Variants in NT5C2 observed in about 807,000 individuals in gnomAD.
NT5C2 encodes the protein cytosolic purine 5'-nucleotidase.
In NT5C2, 58 loss-of-function variants were observed where a neutral mutation model predicts 76.1. The ratio of observed to expected loss-of-function variants is 0.76; its 90% CI spans 0.62 to 0.95. NT5C2 has a LOEUF of 0.95. Among genes scored for constraint, NT5C2 ranks in the 40% least tolerant of loss-of-function variants. The probability of loss-of-function intolerance (pLI) is 0.00; values close to 1 mark genes in which losing one functional copy is unlikely to be tolerated. For synonymous variants in NT5C2, 229 were observed against 237.4 expected, an observed-to-expected ratio of 0.96 and a Z score of 0.32; for missense variants, 478 against 690.3, an observed-to-expected ratio of 0.69 and a Z score of 3.45.
Position 103,101,120 on chromosome 10 carries a change from G to A in NT5C2, c.482-18C>T. 1 of 1,568,984 alleles carries A rather than the reference G, an allele frequency of 6.4e-7. No individual in the cohort carries two copies. The highest frequency in any genetic ancestry group is 1.4e-5 in the African/African-American group (1 of 74,034). On this transcript the variant is annotated intron_variant, in intron 7 of 18. Transcript: ENST00000404739. Reference sequence around the variant, plus strand: ...GTAGGTCTCTGAAAAATGAAGAACAGATATTCATAAGCTATAATGAAATAA... The same window carrying A: ...GTAGGTCTCTGAAAAATGAAGAACAAATATTCATAAGCTATAATGAAATAA...
chr10:103,093,437 A>T, intron 14 of NT5C2, 128 bp from the exon 15 acceptor site: 1 of 801,750 alleles, frequency 1.2e-6, no homozygotes, highest in Admixed American at 3.7e-5. Flanking sequence ...AAGAATAGAC[A>T]AAGACTCACC....
At chr10:103,162,070 C>A (rs556500125) in intron 3 of NT5C2, among the ~76,000 whole-genome samples, 6 of 152,218 alleles carry the variant, frequency 3.9e-5, no homozygotes, top group Admixed American at 2.0e-4. Context: ...GGCTGGAGTG[C>A]AGTGGTGCAA....
chr10:103,109,828 T>C (rs2072460263), intron 4 of NT5C2, among the ~76,000 whole-genome samples: 1 of 152,198 alleles, frequency 6.6e-6, no homozygotes, highest in Admixed American at 6.5e-5. Context: ...CTCATAATTT[T>C]CAGTGAAAAA....
At chr10:103,155,943 T>G (rs1293738831) in intron 3 of NT5C2, among the ~76,000 whole-genome samples, 2 of 152,080 alleles carry the variant, frequency 1.3e-5, no homozygotes, top group Non-Finnish European at 1.5e-5. Flanking sequence ...CTGGGAGGAC[T>G]GCTTGAGGCC....
At chr10:103,113,061 T>G (rs550275955) in intron 4 of NT5C2, among the ~76,000 whole-genome samples, 28 of 152,328 alleles carry the variant, frequency 1.8e-4, no homozygotes, top group Admixed American at 2.6e-4. Context: ...TATTTTCATA[T>G]CTTTCTAAAT....
At chr10:103,129,531 G>A (rs1320696551) in intron 4 of NT5C2, among the ~76,000 whole-genome samples, 2 of 124,808 alleles carry the variant, frequency 1.6e-5, no homozygotes, top group African/African-American at 3.0e-5. Flanking sequence ...AGGTGGGGGG[G>A]TCAGCCCCCC....
At chr10:103,111,696 TAC>T in intron 4 of NT5C2, 1 of 1,183,990 alleles carries the variant, frequency 8.4e-7, no homozygotes, top group Non-Finnish European at 1.1e-6. Context: ...GGCAAACCTC[TAC>T]AGAGGTTCCA....
intron 3 of NT5C2, among the ~76,000 whole-genome samples, chr10:103,144,366 A>G (rs1021650630): frequency 6.6e-6 from 1 of 152,250 alleles, no homozygotes; most frequent in African/African-American, 2.4e-5. Context: ...CATAGAAGAA[A>G]GATGCTAGCT....
intron 2 of NT5C2, among the ~76,000 whole-genome samples, chr10:103,179,385 AC>A (rs1311534394): frequency 6.6e-6 from 1 of 152,182 alleles, no homozygotes; most frequent in Non-Finnish European, 1.5e-5. Context: ...AGGTAGGAAA[AC>A]CATGGAAGGC....
intron 1 of NT5C2, among the ~76,000 whole-genome samples, chr10:103,183,294 TC>T (rs2091511976): frequency 9.1e-6 from 1 of 109,338 alleles, no homozygotes; most frequent in Non-Finnish European, 1.9e-5. Context: ...TATATATATA[TC>T]ACACACTCCT....
At chr10:103,191,774 A>G (rs1257819907) in intron 1 of NT5C2, among the ~76,000 whole-genome samples, 1 of 152,088 alleles carries the variant, frequency 6.6e-6, no homozygotes, top group African/African-American at 2.4e-5. Context: ...CTAAATCCTA[A>G]AACCTTAATT....
In NT5C2 at chr10:103,088,246, TAAAG is replaced by T. The variant is rs899415109; in HGVS notation, c.*1422_*1425del. 7 of 152,222 alleles carry T rather than the reference TAAAG, an allele frequency of 4.6e-5. No individual in the cohort carries two copies. The highest frequency in any genetic ancestry group is 9.6e-5 in the African/African-American group (4 of 41,454). 9.4% of individuals were successfully genotyped at this position (152,222 alleles called of 1,614,324 possible). ...AGAATGGAAGAAAATATACAATGGT[TAAAG>T]AAAGAGTCTATAACCACTGTTTGTT... On this transcript the variant is annotated 3_prime_UTR_variant, in exon 19 of 19. Coordinates refer to ENST00000404739, the MANE Select transcript of NT5C2 (RefSeq NM_001351169.2).
At position 103,138,013 on chromosome 10, in the gene NT5C2, C is replaced by G. The variant is rs184822066; in HGVS notation, c.175+1393G>C. On this transcript the variant is annotated intron_variant, in intron 4 of 18. Coordinates refer to ENST00000404739, the MANE Select transcript of NT5C2 (RefSeq NM_001351169.2). ...TGGAAACTTAAACACAAAGTTTACA[C>G]AAATAGGAGACCATGAGATGGTACC... Among the ~76,000 whole-genome samples the G allele has an allele frequency of 2.1e-3, 323 of 152,208 alleles. 1 individual carries two copies. Among genetic ancestry groups the G allele is most frequent in the Non-Finnish European group, 3.7e-3 (249 of 68,012 alleles).
At chr10:103,104,558 C>T (rs892919625) in intron 6 of NT5C2, among the ~76,000 whole-genome samples, 3 of 152,246 alleles carry the variant, frequency 2.0e-5, no homozygotes, top group South Asian at 2.1e-4. Context: ...CTGAACAAAC[C>T]CCCTCATGAA....
chr10:103,159,216 C>G (rs2084168398), intron 3 of NT5C2, among the ~76,000 whole-genome samples: 1 of 149,906 alleles, frequency 6.7e-6, no homozygotes, highest in South Asian at 2.1e-4. Context: ...TGCATCCAGC[C>G]TAGGTAACAG....
chr10:103,142,986 CAAAA>C (rs371773086), intron 3 of NT5C2, among the ~76,000 whole-genome samples: 4 of 50,350 alleles, frequency 7.9e-5, no homozygotes, highest in Non-Finnish European at 9.0e-5. Context: ...AAGATTCCAT[CAAAA>C]AAAAAAAAAA....
At chr10:103,179,093 C>T (rs1236149211) in intron 2 of NT5C2, among the ~76,000 whole-genome samples, 1 of 151,406 alleles carries the variant, frequency 6.6e-6, no homozygotes, top group African/African-American at 2.4e-5. Flanking sequence ...GGATTACAGG[C>T]ACGCACCACC....
intron 4 of NT5C2, among the ~76,000 whole-genome samples, chr10:103,118,289 AG>A (rs1489712746): frequency 6.6e-6 from 1 of 152,160 alleles, no homozygotes; most frequent in African/African-American, 2.4e-5. Context: ...GGCCTTGTCA[AG>A]TTCAGTTTAG....
intron 3 of NT5C2, among the ~76,000 whole-genome samples, chr10:103,151,699 T>C (rs915551155): frequency 2.0e-5 from 3 of 152,180 alleles, no homozygotes; most frequent in African/African-American, 4.8e-5. Flanking sequence ...TAGGGAAATA[T>C]TTCATAGCTA....
Sources: allele counts gnomAD v4.1 joint callset (sites outside exome capture counted in the v4.1 genomes callset), GRCh38; gene constraint gnomAD v4.1.1; transcripts MANE v1.5; gene names NCBI Gene and HGNC (gene_info 2026-07-23, HGNC 2026-07-21).